DYNC1I1: variants seen among roughly 807,000 people sequenced by gnomAD.
DYNC1I1 encodes the protein dynein cytoplasmic 1 intermediate chain 1, also known as cytoplasmic dynein 1 intermediate chain 1.
In DYNC1I1, 43 loss-of-function variants were observed where a neutral mutation model predicts 86.6. The ratio of observed to expected loss-of-function variants is 0.50; its 90% CI spans 0.39 to 0.64. The LOEUF (loss-of-function observed/expected upper bound fraction) is 0.64. Ranked by LOEUF, DYNC1I1 falls within the 30% of genes least tolerant of loss-of-function variation. The pLI is 0.00. For missense variants in DYNC1I1, 604 were observed against 788.8 expected (o/e 0.77, Z 2.81); for synonymous variants, 262 against 283.7 (o/e 0.92, Z 0.77).
chr7:95,987,942 C>T lies in DYNC1I1; in HGVS notation c.843+787C>T, dbSNP rs139520109. On this transcript the variant is annotated intron_variant, in intron 9 of 16. Transcript: ENST00000447467. ...CTTCTCTTCCAGACCCAGTCTGTCACGAAGACTTTCCATGTCTTCACTCAT... is the reference window on the plus strand; with the variant it reads ...CTTCTCTTCCAGACCCAGTCTGTCATGAAGACTTTCCATGTCTTCACTCAT... Among the ~76,000 whole-genome samples the T allele has an allele frequency of 2.0e-3, 300 of 152,322 alleles. 2 individuals are homozygous for T. Among genetic ancestry groups the T allele is most frequent in the African/African-American group, 6.7e-3 (279 of 41,580 alleles).
At chr7:95,874,465 T>C (rs991529362) in intron 6 of DYNC1I1, among the ~76,000 whole-genome samples, 2 of 152,068 alleles carry the variant, frequency 1.3e-5, no homozygotes, top group Non-Finnish European at 2.9e-5. Context: ...GAGCATTAGG[T>C]TTGAAATAAA....
chr7:95,911,999 A>C (rs572406146), intron 6 of DYNC1I1, among the ~76,000 whole-genome samples: 1 of 152,298 alleles, frequency 6.6e-6, no homozygotes, highest in African/African-American at 2.4e-5. Context: ...AAACTTTTTA[A>C]GGCTGCTTGT....
At chr7:95,812,036 C>T (rs1794842477) in intron 3 of DYNC1I1, among the ~76,000 whole-genome samples, 1 of 152,068 alleles carries the variant, frequency 6.6e-6, no homozygotes, top group Non-Finnish European at 1.5e-5. Flanking sequence ...TGGCAAGGGC[C>T]CTGTTTTCAT....
intron 6 of DYNC1I1, among the ~76,000 whole-genome samples, chr7:95,948,680 A>C (rs1412887908): frequency 1.3e-5 from 2 of 152,168 alleles, no homozygotes; most frequent in African/African-American, 4.8e-5. Context: ...TTATGTGGGA[A>C]CTTTATATGT....
At position 96,095,117 on chromosome 7, in the gene DYNC1I1, G is replaced by A. The variant is rs374912693; in HGVS notation, c.1777-2366G>A. Among the ~76,000 whole-genome samples, 9 of 152,062 alleles carry A rather than the reference G, an allele frequency of 5.9e-5. No individual in the cohort carries two copies. The South Asian group carries it at 1.5e-3, about 25-fold the overall frequency. ...GAAGAAAGTCACATGTAGTTCACTC[G>A]CTGGCTTATGTTTTGTGTGTTTAAC... On this transcript the variant is annotated intron_variant, in intron 16 of 16. Coordinates refer to ENST00000447467, the MANE Select transcript of DYNC1I1 (RefSeq NM_001135556.2).
chr7:95,773,428 G>A (rs2115595597), intron 1 of DYNC1I1, among the ~76,000 whole-genome samples: 1 of 152,236 alleles, frequency 6.6e-6, no homozygotes, highest in East Asian at 1.9e-4. Context: ...AATCGCTCTG[G>A]CCTTATAAAT....
intron 15 of DYNC1I1, among the ~76,000 whole-genome samples, chr7:96,076,891 A>T (rs1790357618): frequency 6.6e-6 from 1 of 152,246 alleles, no homozygotes; most frequent in African/African-American, 2.4e-5. Flanking sequence ...ATTATGCTAT[A>T]AAAATTTATG....
chr7:96,048,454 C>T (rs1210657459), intron 14 of DYNC1I1, among the ~76,000 whole-genome samples: 1 of 152,158 alleles, frequency 6.6e-6, no homozygotes, highest in Non-Finnish European at 1.5e-5. Context: ...AACAGCATTA[C>T]CTGGGGCTTA....
chr7:96,035,323 G>A (rs892762620), intron 12 of DYNC1I1, among the ~76,000 whole-genome samples: 8 of 152,200 alleles, frequency 5.3e-5, no homozygotes, highest in African/African-American at 1.7e-4. Context: ...GAGCTGACAA[G>A]TGTAACCATT....
chr7:96,071,124 ATT>A (rs1356645250), intron 14 of DYNC1I1, among the ~76,000 whole-genome samples: 1 of 152,162 alleles, frequency 6.6e-6, no homozygotes, highest in Non-Finnish European at 1.5e-5. Flanking sequence ...TACTTCCATA[ATT>A]TTAACTTTTT....
chr7:96,109,558 A>C (rs919392192), intron 16 of DYNC1I1, among the ~76,000 whole-genome samples: 1 of 152,014 alleles, frequency 6.6e-6, no homozygotes, highest in African/African-American at 2.4e-5. Flanking sequence ...CTGTAACTTC[A>C]TTGCATATAT....
chr7:96,019,376 G>C (rs533478568), intron 10 of DYNC1I1, among the ~76,000 whole-genome samples: 1 of 149,684 alleles, frequency 6.7e-6, no homozygotes, highest in East Asian at 1.9e-4. Flanking sequence ...CTCTCCAAGT[G>C]CTTTTTTTTT....
chr7:95,892,603 GC>G (rs1388794335), intron 6 of DYNC1I1, among the ~76,000 whole-genome samples: 1 of 151,954 alleles, frequency 6.6e-6, no homozygotes, highest in Non-Finnish European at 1.5e-5. Flanking sequence ...AAGCCACCGT[GC>G]CTGACCTAAT....
At chr7:95,903,524 C>A (rs892185998) in intron 6 of DYNC1I1, among the ~76,000 whole-genome samples, 1 of 152,176 alleles carries the variant, frequency 6.6e-6, no homozygotes, top group Non-Finnish European at 1.5e-5. Context: ...GATAGACCCA[C>A]ACACAAAGAG....
At chr7:95,913,730 A>G (rs1791398294) in intron 6 of DYNC1I1, among the ~76,000 whole-genome samples, 1 of 152,232 alleles carries the variant, frequency 6.6e-6, no homozygotes, top group Non-Finnish European at 1.5e-5. Flanking sequence ...AATTAGGGAA[A>G]TGGCATCCTT....
chr7:95,813,132 G>T, intron 3 of DYNC1I1, 115 bp from the exon 4 acceptor site: 6 of 1,483,218 alleles, frequency 4.0e-6, no homozygotes, highest in South Asian at 2.4e-5. Context: ...AATGTCTCCT[G>T]GCCATACAAC....
chr7:95,880,746 A>G (rs1302208402), intron 6 of DYNC1I1, among the ~76,000 whole-genome samples: 1 of 148,460 alleles, frequency 6.7e-6, no homozygotes, highest in Non-Finnish European at 1.5e-5. Context: ...CCTGAGTTCA[A>G]CCGATTCTCC....
chr7:96,065,298 C>G (rs1457412516), intron 14 of DYNC1I1, among the ~76,000 whole-genome samples: 2 of 152,048 alleles, frequency 1.3e-5, no homozygotes, highest in South Asian at 2.1e-4. Context: ...CTTCTACTCT[C>G]TCAGCCCAAA....
intron 6 of DYNC1I1, among the ~76,000 whole-genome samples, chr7:95,897,402 A>G (rs2116293951): frequency 6.6e-6 from 1 of 151,974 alleles, no homozygotes; most frequent in South Asian, 2.1e-4. Context: ...TGCCCCCCAG[A>G]CAGTGTAGCC....
Sources: gnomAD v4.1 joint callset for allele counts (sites outside exome capture counted in the v4.1 genomes callset) on GRCh38, gnomAD v4.1.1 for gene constraint, MANE v1.5 for transcripts, NCBI Gene and HGNC (gene_info 2026-07-23, HGNC 2026-07-21) for gene names.